The following EXOC6B variants were observed in gnomAD, a reference collection of about 807,000 sequenced individuals.
EXOC6B encodes exocyst complex component 6B, also known as SEC15 homolog B.
EXOC6B carries 54 observed loss-of-function variants against 113.5 expected under a neutral mutation model. The observed-to-expected ratio is 0.48, with a 90% CI of 0.38 to 0.60. The LOEUF is 0.60. Among genes scored for constraint, EXOC6B ranks in the 20% least tolerant of loss-of-function variants. The pLI is 0.00. For synonymous variants in EXOC6B, 357 were observed against 339.0 expected, an observed-to-expected ratio of 1.05 and a Z score of -0.58; for missense variants, 797 against 977.5, an observed-to-expected ratio of 0.82 and a Z score of 2.46.
At chr2:72,546,449 A>G (rs1026236405) in intron 8 of EXOC6B, among the ~76,000 whole-genome samples, 15 of 151,802 alleles carry the variant, frequency 9.9e-5, no homozygotes, top group African/African-American at 2.4e-4. Flanking sequence ...CTCCAAAAAA[A>G]AGAGAGAGAG....
intron 6 of EXOC6B, among the ~76,000 whole-genome samples, chr2:72,634,101 G>A (rs1026806988): frequency 6.6e-6 from 1 of 151,992 alleles, no homozygotes; most frequent in Admixed American, 6.6e-5. Flanking sequence ...AAAGAAAGAA[G>A]AAAAGAAGAA....
At chr2:72,529,002 T>C (rs1215852838) in intron 8 of EXOC6B, among the ~76,000 whole-genome samples, 2 of 152,116 alleles carry the variant, frequency 1.3e-5, no homozygotes, top group African/African-American at 4.8e-5. Flanking sequence ...ATAACACAGT[T>C]GTATTTCTTC....
At chr2:72,200,613 C>T (rs1256057288) in intron 20 of EXOC6B, among the ~76,000 whole-genome samples, 1 of 152,124 alleles carries the variant, frequency 6.6e-6, no homozygotes, top group Non-Finnish European at 1.5e-5. Context: ...TTTCATCTTG[C>T]ACAGGAGGAA....
intron 16 of EXOC6B, among the ~76,000 whole-genome samples, chr2:72,485,361 C>T (rs1470100009): frequency 1.3e-5 from 2 of 152,192 alleles, no homozygotes; most frequent in African/African-American, 2.4e-5. Flanking sequence ...AAACCTTCAA[C>T]AGGACTAATC....
chr2:72,592,082 T>C (rs1317941655), intron 6 of EXOC6B, among the ~76,000 whole-genome samples: 2 of 151,958 alleles, frequency 1.3e-5, no homozygotes, highest in African/African-American at 4.8e-5. Context: ...GTAAAGAATA[T>C]CCACTTCTGG....
At chr2:72,707,648 G>A (rs180750687) in intron 6 of EXOC6B, among the ~76,000 whole-genome samples, 23 of 152,018 alleles carry the variant, frequency 1.5e-4, no homozygotes, top group Admixed American at 3.3e-4. Context: ...TCCTGACCTC[G>A]TGATCCACCT....
chr2:72,637,036 A>C (rs921350413), intron 6 of EXOC6B, among the ~76,000 whole-genome samples: 13 of 152,202 alleles, frequency 8.5e-5, no homozygotes, highest in African/African-American at 2.9e-4. Flanking sequence ...GAGCATGTGG[A>C]CACTGAAATT....
intron 6 of EXOC6B, among the ~76,000 whole-genome samples, chr2:72,710,715 T>C (rs1015372056): frequency 1.3e-5 from 2 of 152,094 alleles, no homozygotes; most frequent in African/African-American, 4.8e-5. Context: ...AGTCAAAAGA[T>C]GTTCTACACC....
chr2:72,600,699 C>T (rs1179400998), intron 6 of EXOC6B, among the ~76,000 whole-genome samples: 1 of 152,030 alleles, frequency 6.6e-6, no homozygotes, highest in East Asian at 1.9e-4. Context: ...GTTCAAAAAA[C>T]TTGACTTAGA....
intron 5 of EXOC6B, chr2:72,721,870 C>T (rs980072932): frequency 4.6e-5 from 7 of 151,714 alleles, no homozygotes; most frequent in African/African-American, 1.7e-4. Flanking sequence ...AGTTTAATAT[C>T]TGATACATCC....
At chr2:72,413,466 T>C (rs1340629870) in intron 18 of EXOC6B, among the ~76,000 whole-genome samples, 1 of 149,780 alleles carries the variant, frequency 6.7e-6, no homozygotes, top group Non-Finnish European at 1.5e-5. Context: ...GGTGGGCAGA[T>C]CACGAGGTCA....
chr2:72,574,105 C>G (rs1704679012), intron 7 of EXOC6B, among the ~76,000 whole-genome samples: 1 of 86,846 alleles, frequency 1.2e-5, no homozygotes, highest in East Asian at 3.8e-4. Flanking sequence ...GACAGAGACT[C>G]CATCGCAAAA....
At chr2:72,387,917 T>C (rs529974119) in intron 18 of EXOC6B, among the ~76,000 whole-genome samples, 40 of 152,294 alleles carry the variant, frequency 2.6e-4, no homozygotes, top group African/African-American at 8.7e-4. Flanking sequence ...TGGACTTTGA[T>C]TTTGGATCTT....
At chr2:72,350,901 A>T (rs1207349425) in intron 19 of EXOC6B, among the ~76,000 whole-genome samples, 1 of 152,208 alleles carries the variant, frequency 6.6e-6, no homozygotes, top group Non-Finnish European at 1.5e-5. Context: ...TCAGCATTTC[A>T]AGTATTAAAA....
At chr2:72,647,391 T>C (rs1233037480) in intron 6 of EXOC6B, among the ~76,000 whole-genome samples, 1 of 152,188 alleles carries the variant, frequency 6.6e-6, no homozygotes, top group Non-Finnish European at 1.5e-5. Flanking sequence ...CCCATCAAGC[T>C]ACCAATGACT....
intron 5 of EXOC6B, among the ~76,000 whole-genome samples, chr2:72,720,807 T>C (rs556024867): frequency 6.6e-6 from 1 of 151,254 alleles, no homozygotes; most frequent in South Asian, 2.1e-4. Flanking sequence ...GCTGTATTAA[T>C]ATGAGATACA....
At chr2:72,433,870 C>G (rs1475327843) in intron 18 of EXOC6B, among the ~76,000 whole-genome samples, 2 of 151,970 alleles carry the variant, frequency 1.3e-5, no homozygotes, top group African/African-American at 4.8e-5. Flanking sequence ...CTGACTTCCT[C>G]TCTTCCTATT....
At chr2:72,210,065 T>C (rs1680092333) in intron 20 of EXOC6B, among the ~76,000 whole-genome samples, 1 of 152,200 alleles carries the variant, frequency 6.6e-6, no homozygotes, top group Admixed American at 6.5e-5. Flanking sequence ...TATCTGTAGC[T>C]GCCATGTGTA....
At chr2:72,721,623 T>C (rs1470503621) in intron 5 of EXOC6B, among the ~76,000 whole-genome samples, 1 of 151,952 alleles carries the variant, frequency 6.6e-6, no homozygotes, top group East Asian at 1.9e-4. Flanking sequence ...TTTTAAGCAA[T>C]TGCATTTCCA....
Sources: gnomAD v4.1 joint callset for allele counts (sites outside exome capture counted in the v4.1 genomes callset) on GRCh38, gnomAD v4.1.1 for gene constraint, MANE v1.5 for transcripts, NCBI Gene and HGNC (gene_info 2026-07-23, HGNC 2026-07-21) for gene names.